Variants in SPRED2 observed in about 807,000 individuals in gnomAD.
The protein encoded by SPRED2 is sprouty related EVH1 domain containing 2.
In SPRED2, 47 loss-of-function variants were observed where a neutral mutation model predicts 43.0. The ratio of observed to expected loss-of-function variants is 1.09; its 90% CI spans 0.87 to 1.40. The LOEUF (loss-of-function observed/expected upper bound fraction) is 1.40. SPRED2 is among the 40% of genes most tolerant of loss of function. SPRED2 has a pLI of 0.00. For missense variants in SPRED2, 561 were observed against 586.4 expected, an observed-to-expected ratio of 0.96 and a Z score of 0.45; for synonymous variants, 225 against 225.7, an observed-to-expected ratio of 1.00 and a Z score of 0.03.
Position 65,417,462 on chromosome 2 carries a change from C to A in SPRED2, c.26+14500G>T, listed in dbSNP as rs1676313169. On this transcript the variant is annotated intron_variant, in intron 1 of 5. Coordinates refer to ENST00000356388, the MANE Select transcript of SPRED2 (RefSeq NM_181784.3). ...ACCTACCATGTTCAGGAGAGCTACA[C>A]AAGAAGAGCATCTGGGAAGCTCATC... is the stretch of plus-strand genomic sequence containing the variant. Among the ~76,000 whole-genome samples, 3 of 152,180 alleles carry A rather than the reference C, an allele frequency of 2.0e-5. No individual in the cohort carries two copies. In the South Asian group the frequency reaches 6.2e-4, roughly 32 times the overall value.
downstream of SPRED2, among the ~76,000 whole-genome samples, chr2:65,309,712 C>T (rs372431711): frequency 2.6e-5 from 4 of 152,060 alleles, no homozygotes; most frequent in East Asian, 7.7e-4. Context: ...TCCTGCATTC[C>T]GCAGAAAGTT....
chr2:65,359,409 A>C (rs1309893535), intron 1 of SPRED2, among the ~76,000 whole-genome samples: 1 of 147,900 alleles, frequency 6.8e-6, no homozygotes, highest in Admixed American at 6.7e-5. Context: ...AGTTTGAAGT[A>C]CTTGATTCAG....
downstream of SPRED2, among the ~76,000 whole-genome samples, chr2:65,309,349 A>T (rs1673009471): frequency 1.3e-5 from 2 of 151,520 alleles, no homozygotes; most frequent in Admixed American, 6.6e-5. Context: ...AAAAAAATTT[A>T]AAAACAGTTA....
At chr2:65,378,800 CA>C (rs1473445758) in intron 1 of SPRED2, among the ~76,000 whole-genome samples, 2 of 152,216 alleles carry the variant, frequency 1.3e-5, no homozygotes, top group African/African-American at 4.8e-5. Flanking sequence ...TGTTTTAATT[CA>C]TGCCTAATTT....
Position 65,314,179 on chromosome 2 carries a change from A to G in SPRED2, c.589-10T>C. On this transcript the variant is annotated splice_polypyrimidine_tract_variant and intron_variant, in intron 5 of 5. Coordinates refer to ENST00000356388, the MANE Select transcript of SPRED2 (RefSeq NM_181784.3). ...AGGGCCTTGGCATCGGCTGTCCCGTAGGAGAGGAGACATTATTTTACAGCA... is the reference window on the plus strand; with the variant it reads ...AGGGCCTTGGCATCGGCTGTCCCGTGGGAGAGGAGACATTATTTTACAGCA... 2 of 1,558,214 alleles carry G rather than the reference A, an allele frequency of 1.3e-6. No homozygotes were observed. Among genetic ancestry groups the G allele is most frequent in the Non-Finnish European group, 1.7e-6 (2 of 1,149,132 alleles).
intron 4 of SPRED2, among the ~76,000 whole-genome samples, chr2:65,328,346 T>C (rs1205520078): frequency 1.3e-5 from 2 of 152,292 alleles, no homozygotes; most frequent in South Asian, 2.1e-4. Flanking sequence ...CCATGTAAAA[T>C]GTACTGAAAC....
At chr2:65,322,264 C>CTA (rs1673443326) in intron 4 of SPRED2, among the ~76,000 whole-genome samples, 45 of 56,908 alleles carry the variant, frequency 7.9e-4, no homozygotes, top group Non-Finnish European at 1.0e-3. Context: ...CTCTCTCTCT[C>CTA]TCTCTCTATA....
rs1673077649 is a variant in SPRED2, at chr2:65,311,841, A to G, written c.*1660T>C. The G allele has an allele frequency of 1.0e-6, 1 of 985,396 alleles. No individual in the cohort carries two copies. Among genetic ancestry groups the G allele is most frequent in the Non-Finnish European group, 1.2e-6 (1 of 829,968 alleles). 61.0% of individuals were successfully genotyped at this position (985,396 alleles called of 1,614,324 possible). On this transcript the variant is annotated 3_prime_UTR_variant, in exon 6 of 6. Coordinates refer to ENST00000356388, the MANE Select transcript of SPRED2 (RefSeq NM_181784.3). ...GAAACAGCCCCATGAAGGTGAGCAC[A>G]GCTAGCACTTTCCCAATATGATTGG...
At chr2:65,397,861 T>A (rs1330170674) in intron 1 of SPRED2, among the ~76,000 whole-genome samples, 2 of 152,020 alleles carry the variant, frequency 1.3e-5, no homozygotes, top group East Asian at 3.8e-4. Flanking sequence ...ATACCACCAT[T>A]ATTCTTCACA....
At position 65,313,761 on chromosome 2, in the gene SPRED2, C is replaced by T. The variant is rs753455015; in HGVS notation, c.997G>A (p.Val333Met). The T allele has an allele frequency of 2.5e-5, 40 of 1,614,078 alleles. No individual in the cohort carries two copies. Among genetic ancestry groups the T allele is most frequent in the African/African-American group, 5.3e-5 (4 of 74,942 alleles). Residue 333 changes from valine (V) to methionine (M), a missense_variant, in exon 6 of 6, where the codon GTG becomes ATG. Val to Met is a conservative substitution (Grantham distance 21, BLOSUM62 1). Around this residue, in one of 6 missense-constraint regions of SPRED2, gnomAD observed 164 missense variants for 164.1 expected, o/e 1.00. Transcript: ENST00000356388. ...CTCACCCGGCGGATGCAAGTTCTCA[C>T]GGAGTCGGGCGCGTCCTGGCAGTGG... is the stretch of plus-strand genomic sequence containing the variant. ...RGHCQDAPDS[V>M]RTCIRRVSCM...
intron 5 of SPRED2, among the ~76,000 whole-genome samples, chr2:65,314,666 C>A (rs1380231915): frequency 6.6e-6 from 1 of 152,162 alleles, no homozygotes; most frequent in Non-Finnish European, 1.5e-5. Context: ...TTTTGTAAGG[C>A]TGGCTTTTTA....
chr2:65,384,173 A>G (rs974433995), intron 1 of SPRED2, among the ~76,000 whole-genome samples: 7 of 148,484 alleles, frequency 4.7e-5, no homozygotes, highest in African/African-American at 1.7e-4. Flanking sequence ...GCCTATCTCC[A>G]CCAGGTGTGG....
At chr2:65,382,740 T>C (rs1675401552) in intron 1 of SPRED2, among the ~76,000 whole-genome samples, 1 of 152,246 alleles carries the variant, frequency 6.6e-6, no homozygotes, top group East Asian at 1.9e-4. Flanking sequence ...ACATTCTTTT[T>C]TTTCTTTTTG....
chr2:65,385,838 A>G (rs1675483435), intron 1 of SPRED2, among the ~76,000 whole-genome samples: 1 of 152,168 alleles, frequency 6.6e-6, no homozygotes, highest in Non-Finnish European at 1.5e-5. Flanking sequence ...ATAAATGCAG[A>G]CCTGCGTTAG....
At chr2:65,430,212 G>C (rs181060323) in intron 1 of SPRED2, among the ~76,000 whole-genome samples, 4 of 152,290 alleles carry the variant, frequency 2.6e-5, no homozygotes. Context: ...CCCTAAAAGC[G>C]CAACTTTTTT....
chr2:65,312,818 G>T lies in SPRED2; in HGVS notation c.*683C>A. The stretch of plus-strand genomic sequence containing the variant: ...TTACGGGTGAATGTTTTGCATCAGT[G>T]AATCATTTCAACAGATTTTGGGGGG... On this transcript the variant is annotated 3_prime_UTR_variant, in exon 6 of 6. Coordinates refer to ENST00000356388, the MANE Select transcript of SPRED2 (RefSeq NM_181784.3). 2 of 985,824 alleles carry T rather than the reference G, an allele frequency of 2.0e-6. No individual in the cohort carries two copies. Among genetic ancestry groups the T allele is most frequent in the South Asian group, 4.7e-5 (1 of 21,288 alleles). 61.1% of individuals were successfully genotyped at this position (985,824 alleles called of 1,614,324 possible).
At chr2:65,413,731 C>T (rs1676214126) in intron 1 of SPRED2, among the ~76,000 whole-genome samples, 1 of 152,196 alleles carries the variant, frequency 6.6e-6, no homozygotes, top group Admixed American at 6.5e-5. Context: ...ATTTTCTGAT[C>T]CTGTGTTTCA....
chr2:65,334,927 G>C (rs1296016374), intron 2 of SPRED2, among the ~76,000 whole-genome samples, 154 bp from the exon 3 acceptor site: 2 of 152,182 alleles, frequency 1.3e-5, no homozygotes, highest in Non-Finnish European at 2.9e-5. Flanking sequence ...AATGGGAAAG[G>C]AGGCTTTGCT....
At chr2:65,335,490 A>T (rs1240858888) in intron 2 of SPRED2, among the ~76,000 whole-genome samples, 1 of 152,228 alleles carries the variant, frequency 6.6e-6, no homozygotes, top group Non-Finnish European at 1.5e-5. Context: ...CTAAGATGGA[A>T]AGAACACCAA....
Sources: gnomAD v4.1 joint callset for allele counts (sites outside exome capture counted in the v4.1 genomes callset) on GRCh38, gnomAD v4.1.1 for gene constraint, gnomAD v4.1.1 regional missense constraint, MANE v1.5 for transcripts, NCBI Gene and HGNC (gene_info 2026-07-23, HGNC 2026-07-21) for gene names.